PTPRK: variants seen among roughly 807,000 people sequenced by gnomAD.
PTPRK encodes the protein receptor-type tyrosine-protein phosphatase kappa.
A neutral mutation model predicts 178.0 loss-of-function variants in PTPRK; 75 were observed. The observed-to-expected ratio is 0.42, with a 90% confidence interval of 0.35 to 0.51. The LOEUF (loss-of-function observed/expected upper bound fraction) is 0.51, where lower values mean the gene tolerates loss of function less well. Ranked by LOEUF, PTPRK falls within the 20% of genes least tolerant of loss-of-function variation. PTPRK has a pLI of 0.02. For synonymous variants in PTPRK, 637 were observed against 620.6 expected (o/e 1.03, Z -0.39); for missense variants, 1,441 against 1,797.8 (o/e 0.80, Z 3.59).
intron 13 of PTPRK, among the ~76,000 whole-genome samples, chr6:128,019,883 C>T (rs965744427): frequency 2.0e-5 from 3 of 152,112 alleles, no homozygotes; most frequent in East Asian, 1.9e-4. Context: ...GAAGAAGACA[C>T]GGAGGTAGAT....
intron 6 of PTPRK, among the ~76,000 whole-genome samples, chr6:128,210,443 G>A: frequency 1.2e-5 from 1 of 80,078 alleles, no homozygotes; most frequent in Admixed American, 2.0e-4. Context: ...TGGCCTTTAG[G>A]TATTTTTGGG....
intron 1 of PTPRK, among the ~76,000 whole-genome samples, chr6:128,480,545 A>G (rs1057257719): frequency 6.6e-6 from 1 of 152,124 alleles, no homozygotes; most frequent in African/African-American, 2.4e-5. Context: ...TTCCTCACAT[A>G]TGAATTAGTT....
chr6:128,058,401 C>T (rs538182736), intron 13 of PTPRK, among the ~76,000 whole-genome samples: 15 of 152,198 alleles, frequency 9.9e-5, no homozygotes, highest in African/African-American at 3.6e-4. Flanking sequence ...TTTGTATTTT[C>T]CTGTTGAGCA....
At chr6:128,391,264 T>A (rs1236202728) in intron 2 of PTPRK, among the ~76,000 whole-genome samples, 1 of 152,136 alleles carries the variant, frequency 6.6e-6, no homozygotes, top group African/African-American at 2.4e-5. Flanking sequence ...TTTTCCCATC[T>A]ACGTTAATGG....
At chr6:128,319,817 T>C (rs1828537807) in intron 3 of PTPRK, among the ~76,000 whole-genome samples, 1 of 152,208 alleles carries the variant, frequency 6.6e-6, no homozygotes, top group South Asian at 2.1e-4. Context: ...TTATGTTGGT[T>C]GTTTCTAATC....
chr6:128,084,263 C>T (rs554320225), intron 8 of PTPRK, among the ~76,000 whole-genome samples: 11 of 152,068 alleles, frequency 7.2e-5, no homozygotes, highest in African/African-American at 2.6e-4. Flanking sequence ...TAATAAATTA[C>T]GATAATAATT....
chr6:128,278,372 G>A (rs1821120383), intron 3 of PTPRK, among the ~76,000 whole-genome samples: 1 of 152,012 alleles, frequency 6.6e-6, no homozygotes, highest in African/African-American at 2.4e-5. Context: ...TTGCCAGACT[G>A]GTCTTGAAAT....
At chr6:128,167,693 C>T (rs2114630812) in intron 7 of PTPRK, among the ~76,000 whole-genome samples, 1 of 152,086 alleles carries the variant, frequency 6.6e-6, no homozygotes, top group Non-Finnish European at 1.5e-5. Flanking sequence ...TGACTAAATA[C>T]TCTAGTAGGG....
At chr6:128,459,218 T>C (rs371258624) in intron 1 of PTPRK, among the ~76,000 whole-genome samples, 10 of 152,166 alleles carry the variant, frequency 6.6e-5, no homozygotes, top group African/African-American at 9.7e-5. Flanking sequence ...CTTATAGTTA[T>C]ACGATCACAC....
intron 1 of PTPRK, among the ~76,000 whole-genome samples, chr6:128,414,337 T>C (rs1237712762): frequency 6.6e-6 from 1 of 152,152 alleles, no homozygotes; most frequent in Non-Finnish European, 1.5e-5. Flanking sequence ...ATGATGAGCG[T>C]CTCCATCGCG....
chr6:128,402,690 T>C (rs893344461), intron 1 of PTPRK, among the ~76,000 whole-genome samples: 5 of 152,246 alleles, frequency 3.3e-5, no homozygotes, highest in Non-Finnish European at 5.9e-5. Context: ...GTGATAAATA[T>C]TTAGGTACTT....
chr6:128,386,238 G>A (rs1223495494), intron 2 of PTPRK, among the ~76,000 whole-genome samples: 4 of 152,018 alleles, frequency 2.6e-5, no homozygotes, highest in African/African-American at 9.7e-5. Context: ...TCTTTAACCA[G>A]AATATAGTTT....
chr6:128,446,859 GT>G (rs989226074), intron 1 of PTPRK, among the ~76,000 whole-genome samples: 1 of 152,088 alleles, frequency 6.6e-6, no homozygotes, highest in African/African-American at 2.4e-5. Flanking sequence ...GCAATCTTGT[GT>G]TTTTTACCCC....
At chr6:128,192,474 A>G (rs1317435579) in intron 6 of PTPRK, among the ~76,000 whole-genome samples, 3 of 152,128 alleles carry the variant, frequency 2.0e-5, no homozygotes, top group African/African-American at 7.2e-5. Flanking sequence ...TATAGAATGA[A>G]TGACTGCCTT....
chr6:128,402,482 G>T (rs1463751902), intron 1 of PTPRK, among the ~76,000 whole-genome samples: 4 of 152,084 alleles, frequency 2.6e-5, no homozygotes, highest in African/African-American at 9.7e-5. Context: ...TCAATCTCTT[G>T]ACCTCGTGAT....
intron 8 of PTPRK, among the ~76,000 whole-genome samples, chr6:128,085,780 C>G (rs1209247442): frequency 6.6e-6 from 1 of 152,092 alleles, no homozygotes; most frequent in Non-Finnish European, 1.5e-5. Flanking sequence ...ATTTGTAAGA[C>G]AAAAGTTTGT....
At chr6:128,434,233 T>C (rs1022763440) in intron 1 of PTPRK, among the ~76,000 whole-genome samples, 2 of 152,142 alleles carry the variant, frequency 1.3e-5, no homozygotes, top group African/African-American at 4.8e-5. Flanking sequence ...CAGGTAGATA[T>C]ACAAATAACA....
chr6:128,144,603 A>G (rs994968495), intron 7 of PTPRK, among the ~76,000 whole-genome samples: 2 of 151,198 alleles, frequency 1.3e-5, no homozygotes, highest in Non-Finnish European at 3.0e-5. Flanking sequence ...CCATTCCCTC[A>G]CCTAGCACTG....
intron 11 of PTPRK, among the ~76,000 whole-genome samples, chr6:128,075,830 A>G (rs1346827565): frequency 2.6e-5 from 4 of 152,082 alleles, no homozygotes; most frequent in Non-Finnish European, 5.9e-5. Context: ...CCAGGCAGAA[A>G]GAATACATAT....
Sources: gnomAD v4.1 joint callset for allele counts (sites outside exome capture counted in the v4.1 genomes callset) on GRCh38, gnomAD v4.1.1 for gene constraint, MANE v1.5 for transcripts, NCBI Gene and HGNC (gene_info 2026-07-23, HGNC 2026-07-21) for gene names.